SOX6: variants seen among roughly 807,000 people sequenced by gnomAD.
SOX6 encodes transcription factor SOX-6.
Under a neutral mutation model 97.8 loss-of-function variants are expected in SOX6, and 11 were observed. The observed-to-expected ratio is 0.11, with a 90% confidence interval of 0.07 to 0.19. SOX6 has a LOEUF of 0.19. Ranked by LOEUF, SOX6 falls within the 10% of genes least tolerant of loss-of-function variation. SOX6 has a pLI of 1.00. For synonymous variants in SOX6, 360 were observed against 371.4 expected (o/e 0.97, Z 0.35); for missense variants, 810 against 1,039.5 (o/e 0.78, Z 3.04).
At chr11:16,475,211 T>A (rs1860219412) in intron 1 of SOX6, among the ~76,000 whole-genome samples, 1 of 152,232 alleles carries the variant, frequency 6.6e-6, no homozygotes, top group Non-Finnish European at 1.5e-5. Flanking sequence ...GCAATAAGGC[T>A]ATTTTGCTTT....
intron 1 of SOX6, among the ~76,000 whole-genome samples, chr11:16,443,780 C>T (rs1467045037): frequency 1.3e-5 from 2 of 151,944 alleles, no homozygotes; most frequent in African/African-American, 4.8e-5. Flanking sequence ...TTTGGAAGGC[C>T]GAGGCAGGCA....
chr11:16,594,684 C>CTGTTTTTT (rs1848191108), intron 4 of SOX6, among the ~76,000 whole-genome samples: 1 of 68,266 alleles, frequency 1.5e-5, no homozygotes, highest in Admixed American at 2.8e-4. Context: ...TCGGTTTTTG[C>CTGTTTTTT]TTTTTTTTTT....
At chr11:16,599,877 G>A (rs1166102846) in intron 4 of SOX6, among the ~76,000 whole-genome samples, 6 of 152,064 alleles carry the variant, frequency 3.9e-5, no homozygotes, top group Non-Finnish European at 7.4e-5. Flanking sequence ...GGGTCTTAGA[G>A]GAGCAAGAAG....
intron 2 of SOX6, among the ~76,000 whole-genome samples, chr11:16,334,445 T>TG (rs398115089): frequency 6.6e-6 from 1 of 151,642 alleles, no homozygotes; most frequent in African/African-American, 2.4e-5. Context: ...TTTTTTTTTT[T>TG]GAGATGGAGT....
intron 3 of SOX6, among the ~76,000 whole-genome samples, chr11:16,265,421 GA>G (rs1422469708): frequency 6.6e-6 from 1 of 151,670 alleles, no homozygotes; most frequent in Non-Finnish European, 1.5e-5. Context: ...ATCCTGCTTG[GA>G]AACTTAAAAA....
At chr11:16,309,360 A>G (rs1357721162) in intron 3 of SOX6, among the ~76,000 whole-genome samples, 2 of 152,222 alleles carry the variant, frequency 1.3e-5, no homozygotes, top group East Asian at 3.9e-4. Context: ...AAATGAATGA[A>G]AGTTCACACA....
At chr11:16,637,596 G>A (rs763663218) in intron 3 of SOX6, among the ~76,000 whole-genome samples, 1 of 152,132 alleles carries the variant, frequency 6.6e-6, no homozygotes, top group Admixed American at 6.6e-5. Context: ...CAAAAACACT[G>A]GATGTTGATT....
At chr11:16,003,520 C>A (rs1191905981) in intron 13 of SOX6, among the ~76,000 whole-genome samples, 1 of 152,000 alleles carries the variant, frequency 6.6e-6, no homozygotes, top group Non-Finnish European at 1.5e-5. Flanking sequence ...AGACTATGTA[C>A]CCCAAAACAG....
chr11:16,055,952 G>T, intron 9 of SOX6, 51 bp from the exon 10 acceptor site: 1 of 1,601,766 alleles, frequency 6.2e-7, no homozygotes, highest in South Asian at 1.1e-5. Flanking sequence ...AGCTGAAATT[G>T]AGTTTCAAAA....
At chr11:16,286,082 G>T (rs1165382893) in intron 3 of SOX6, among the ~76,000 whole-genome samples, 1 of 152,080 alleles carries the variant, frequency 6.6e-6, no homozygotes, top group Non-Finnish European at 1.5e-5. Flanking sequence ...AAAATATCAT[G>T]ATTTTTAAAG....
At chr11:16,533,130 C>T (rs1309275231) in intron 4 of SOX6, among the ~76,000 whole-genome samples, 2 of 151,806 alleles carry the variant, frequency 1.3e-5, no homozygotes, top group Non-Finnish European at 3.0e-5. Flanking sequence ...AGATTGGCAT[C>T]TTTTTAAAAC....
chr11:16,486,722 A>C (rs1164796565), intron 4 of SOX6, among the ~76,000 whole-genome samples: 1 of 151,886 alleles, frequency 6.6e-6, no homozygotes, highest in Non-Finnish European at 1.5e-5. Flanking sequence ...TTGGCCGAGC[A>C]TGATAGTCCC....
chr11:16,600,326 G>A (rs746698086), intron 4 of SOX6, among the ~76,000 whole-genome samples: 1 of 152,298 alleles, frequency 6.6e-6, no homozygotes, highest in African/African-American at 2.4e-5. Flanking sequence ...CCTGACCTCA[G>A]TGCTTAGAAG....
At position 16,523,895 on chromosome 11, in the gene SOX6, A is replaced by T. The variant is rs571899416; in HGVS notation, n.610-47507T>A. 3.9e-3 allele frequency among the ~76,000 whole-genome samples: 593 copies of T among 152,332 alleles called. 3 individuals carry two copies. The highest frequency in any genetic ancestry group is 0.014 in the African/African-American group (574 of 41,580). ...CTAGAAAATCTAGAAGAAATGGATAAATTCCTCAACACATACACCCTCCCA... is the reference window on the plus strand; with the variant it reads ...CTAGAAAATCTAGAAGAAATGGATATATTCCTCAACACATACACCCTCCCA... On this transcript the variant is annotated intron_variant and non_coding_transcript_variant, in intron 4 of 5. Transcript: ENST00000524520.
chr11:16,523,866 C>A (rs1176948835), intron 4 of SOX6, among the ~76,000 whole-genome samples: 1 of 152,094 alleles, frequency 6.6e-6, no homozygotes, highest in Admixed American at 6.6e-5. Flanking sequence ...TCTACGCAAA[C>A]AAACTAGAAA....
chr11:16,573,812 T>C (rs1847959384), intron 4 of SOX6, among the ~76,000 whole-genome samples: 1 of 152,234 alleles, frequency 6.6e-6, no homozygotes, highest in African/African-American at 2.4e-5. Flanking sequence ...TTACCTGTTA[T>C]GAAACACTAA....
At chr11:16,084,378 A>G (rs1006828869) in intron 9 of SOX6, among the ~76,000 whole-genome samples, 4 of 152,112 alleles carry the variant, frequency 2.6e-5, no homozygotes, top group Non-Finnish European at 5.9e-5. Context: ...CCTAAGGTAC[A>G]TAGTACATGT....
chr11:16,238,287 T>C (rs538543659), intron 3 of SOX6, among the ~76,000 whole-genome samples: 1 of 152,152 alleles, frequency 6.6e-6, no homozygotes, highest in Admixed American at 6.6e-5. Context: ...ATTAAAGCTT[T>C]TCTCTTTCAA....
intron 12 of SOX6, among the ~76,000 whole-genome samples, chr11:16,033,361 T>C (rs1855432399): frequency 1.3e-5 from 2 of 152,170 alleles, no homozygotes; most frequent in Admixed American, 1.3e-4. Context: ...AGGCCCCAGG[T>C]GGCATACCTA....
Sources: gnomAD v4.1 joint callset for allele counts (sites outside exome capture counted in the v4.1 genomes callset) on GRCh38, gnomAD v4.1.1 for gene constraint, MANE v1.5 for transcripts, NCBI Gene and HGNC (gene_info 2026-07-23, HGNC 2026-07-21) for gene names.